SLC7A6OS: variants seen among roughly 807,000 people sequenced by gnomAD.
SLC7A6OS encodes the protein solute carrier family 7 member 6 opposite strand.
SLC7A6OS carries 22 observed loss-of-function variants against 34.3 expected under a neutral mutation model. The observed-to-expected ratio is 0.64, with a 90% CI of 0.46 to 0.92. The LOEUF (loss-of-function observed/expected upper bound fraction) is 0.92. Among genes scored for constraint, SLC7A6OS ranks in the 40% least tolerant of loss-of-function variants. SLC7A6OS has a pLI of 0.00. For missense variants in SLC7A6OS, 434 were observed against 407.7 expected (o/e 1.06, Z -0.56); for synonymous variants, 199 against 165.0 (o/e 1.21, Z -1.58).
chr16:68,310,555 T>C lies in SLC7A6OS; in HGVS notation c.251A>G (p.Gln84Arg). 1.3e-6 allele frequency: 2 copies of C among 1,582,492 alleles called. No individual in the cohort carries two copies. Among genetic ancestry groups the C allele is most frequent in the Non-Finnish European group, 1.7e-6 (2 of 1,165,726 alleles). ...EVLRPSRDSQQRVRRNLRASA... is the reference protein window; with the variant it reads ...EVLRPSRDSQRRVRRNLRASA... ...GGCGCGGAGATTACGGCGGACACGC[T>C]GCTGGCTGTCCCGTGACGGGCGCAG... The change falls in exon 2 of 5, where the codon CAG (glutamine) becomes CGG (arginine). Residue 84 changes from glutamine to arginine, a missense_variant. Physicochemically the swap from Gln to Arg is conservative, Grantham distance 43. Transcript: ENST00000263997.
Position 68,300,182 on chromosome 16 carries a change from A to C in SLC7A6OS, c.*1093T>G, listed in dbSNP as rs1387912124. 4 of 152,202 alleles carry C rather than the reference A, an allele frequency of 2.6e-5. No individual in the cohort carries two copies. Among genetic ancestry groups the C allele is most frequent in the African/African-American group, 9.7e-5 (4 of 41,438 alleles). The allele number at this position is 152,202 out of a possible 1,614,324, so 9.4% of individuals were successfully genotyped here. On this transcript the variant is annotated 3_prime_UTR_variant, in exon 5 of 5. Transcript: ENST00000263997. Reference sequence around the variant, plus strand: ...TAGCTAATTACATTAAAATGAAATAAAATTAAAAGCTCAGTTTCTCAGTTG... The same window carrying C: ...TAGCTAATTACATTAAAATGAAATACAATTAAAAGCTCAGTTTCTCAGTTG...
At chr16:68,308,681 T>C (rs1312002530) in intron 2 of SLC7A6OS, among the ~76,000 whole-genome samples, 2 of 152,152 alleles carry the variant, frequency 1.3e-5, no homozygotes, top group Non-Finnish European at 2.9e-5. Context: ...TGCTTGTTGC[T>C]TGTGGATTCA....
At position 68,310,895 on chromosome 16, in the gene SLC7A6OS, A is replaced by T; in HGVS notation, c.32T>A (p.Val11Glu). 6.2e-7 allele frequency: 1 copy of T among 1,601,024 alleles called. No homozygotes were observed. Among genetic ancestry groups the T allele is most frequent in the Non-Finnish European group, 8.5e-7 (1 of 1,175,724 alleles). Residue 11 changes from valine to glutamate, a missense_variant, in exon 1 of 5, where the codon GTG (valine) becomes GAG (glutamate). By Grantham distance (121) the Val-to-Glu change is moderately radical. Transcript: ENST00000263997. MEAARTAVLRVKRKRSAEPAE... is the reference protein window; with the variant it reads MEAARTAVLREKRKRSAEPAE... ...CGGCTCCGCACTGCGCTTCCGCTTC[A>T]CCCGGAGTACAGCGGTCCTGGCGGC...
chr16:68,309,991 T>C (rs1330611896), intron 2 of SLC7A6OS, among the ~76,000 whole-genome samples: 4 of 152,172 alleles, frequency 2.6e-5, no homozygotes, highest in Non-Finnish European at 4.4e-5. Context: ...CAAATGTCAT[T>C]TCCTCAGTGA....
In SLC7A6OS at chr16:68,303,589, G is replaced by GA. The variant is rs909392704; in HGVS notation, c.678+436dup. 3.8e-3 allele frequency: 542 copies of GA among 142,846 alleles called. 1 individual carries two copies. The highest frequency in any genetic ancestry group is 0.018 in the South Asian group (93 of 5,224). The allele number at this position is 142,846 out of a possible 1,614,324, so 8.8% of individuals were successfully genotyped here. A position where few individuals can be genotyped will look rare whatever the true frequency, so the allele number is the denominator to read the frequency against. On this transcript the variant is annotated intron_variant, in intron 3 of 4. Coordinates refer to ENST00000263997, the MANE Select transcript of SLC7A6OS (RefSeq NM_032178.3). ...CAGTGTGAGACCTTGTCTCAAAAAAGAAAAAAAAAAAAGAATAATGTCAGG... is the reference window on the plus strand; with the variant it reads ...CAGTGTGAGACCTTGTCTCAAAAAAGAAAAAAAAAAAAAGAATAATGTCAGG...
rs2043238651 is a variant in SLC7A6OS, at chr16:68,299,855, G to A, written c.*1420C>T. ...GTTTTAATTAGCTGCAATATATACG[G>A]CCTGTGTACACAGAATTTAATCACT... is the stretch of plus-strand genomic sequence containing the variant. On this transcript the variant is annotated 3_prime_UTR_variant, in exon 5 of 5. Coordinates refer to ENST00000263997, the MANE Select transcript of SLC7A6OS (RefSeq NM_032178.3). 6.6e-6 allele frequency: 1 copy of A among 152,148 alleles called. No homozygotes were observed. Among genetic ancestry groups the A allele is most frequent in the African/African-American group, 2.4e-5 (1 of 41,428 alleles). 9.4% of individuals were successfully genotyped at this position (152,148 alleles called of 1,614,324 possible).
At chr16:68,303,072 TG>T (rs1398555281) in intron 3 of SLC7A6OS, among the ~76,000 whole-genome samples, 2 of 151,090 alleles carry the variant, frequency 1.3e-5, no homozygotes, top group African/African-American at 4.9e-5. Context: ...GAGACCAGCC[TG>T]GGCAACATGG....
Position 68,300,838 on chromosome 16 carries a change from C to A in SLC7A6OS, c.*437G>T, listed in dbSNP as rs1316564093. ...TGCTACAAGGGACCCACTGGTACCC[C>A]TTTTAGATTCTATCAAAAGGAACAG... On this transcript the variant is annotated 3_prime_UTR_variant, in exon 5 of 5. Transcript: ENST00000263997. The A allele has an allele frequency of 1.0e-6, 1 of 987,016 alleles. No homozygotes were observed. Among genetic ancestry groups the A allele is most frequent in the Non-Finnish European group, 1.2e-6 (1 of 831,180 alleles). 61.1% of individuals were successfully genotyped at this position (987,016 alleles called of 1,614,324 possible).
At position 68,301,069 on chromosome 16, in the gene SLC7A6OS, C is replaced by A; in HGVS notation, c.*206G>T. The stretch of plus-strand genomic sequence containing the variant: ...ACTGTAGGGTCACTTTTGATTGAGG[C>A]AAAGGGGTCCTACTGTAAGTGGAAA... On this transcript the variant is annotated 3_prime_UTR_variant, in exon 5 of 5. Transcript: ENST00000263997. The A allele has an allele frequency of 8.0e-7, 1 of 1,246,654 alleles. No homozygotes were observed. The highest frequency in any genetic ancestry group is 1.0e-6 in the Non-Finnish European group (1 of 993,882). The allele number at this position is 1,246,654 out of a possible 1,614,324, so 77.2% of individuals were successfully genotyped here.
intron 3 of SLC7A6OS, 112 bp downstream of exon 3, chr16:68,303,914 A>G (rs2043306706): frequency 2.1e-6 from 2 of 969,938 alleles, no homozygotes. Flanking sequence ...TTTCAGGAGG[A>G]AAAGAACTAA....
chr16:68,310,662 C>T, intron 1 of SLC7A6OS, 49 bp from the exon 2 acceptor site: 2 of 1,578,236 alleles, frequency 1.3e-6, no homozygotes, highest in Non-Finnish European at 1.7e-6. Context: ...AGTTCGCGAG[C>T]GGGTCAGGGA....
intron 2 of SLC7A6OS, among the ~76,000 whole-genome samples, chr16:68,304,888 C>T (rs1051418523): frequency 6.6e-6 from 1 of 152,074 alleles, no homozygotes; most frequent in African/African-American, 2.4e-5. Flanking sequence ...CCCGTCTCTA[C>T]AAAGAAATAC....
rs2043265985 is a variant in SLC7A6OS at position 68,301,195 on chromosome 16, A to G, written c.*80T>C. ...CACATGTTAAGCTAGGAAACCTAAC[A>G]GGATGTCAGCAGGGCAGTTAACTCT... On this transcript the variant is annotated 3_prime_UTR_variant, in exon 5 of 5. Transcript: ENST00000263997. 1.3e-6 allele frequency: 2 copies of G among 1,535,392 alleles called. No individual in the cohort carries two copies. The highest frequency in any genetic ancestry group is 1.9e-5 in the Admixed American group (1 of 52,292).
chr16:68,304,320 G>T (rs1238107239), intron 2 of SLC7A6OS, 88 bp from the exon 3 acceptor site: 22 of 1,203,308 alleles, frequency 1.8e-5, no homozygotes, highest in Admixed American at 1.3e-4. Context: ...GTGAAGGAAG[G>T]CTCCCTACAG....
At chr16:68,310,685 C>T in intron 1 of SLC7A6OS, 50 bp downstream of exon 1, 9 of 1,579,802 alleles carry the variant, frequency 5.7e-6, no homozygotes, top group Non-Finnish European at 7.8e-6. Context: ...GGGTTTCGTA[C>T]CGGCTGCACC....
At chr16:68,306,551 G>A (rs1252545778) in intron 2 of SLC7A6OS, among the ~76,000 whole-genome samples, 1 of 151,988 alleles carries the variant, frequency 6.6e-6, no homozygotes, top group African/African-American at 2.4e-5. Context: ...TCATTATGTT[G>A]CCCAAACTGG....
Position 68,302,483 on chromosome 16 carries a change from G to C in SLC7A6OS, c.697C>G (p.Pro233Ala). ...EWELVNDDQEPEDIYDDEDDE... is the reference protein window; with the variant it reads ...EWELVNDDQEAEDIYDDEDDE... ...TCTTCATCGTCGTAAATGTCCTCTG[G>C]TTCTTGATCATCATTCACCTACACA... is the stretch of plus-strand genomic sequence containing the variant. Residue 233 changes from proline (P) to alanine (A), a missense_variant, in exon 4 of 5, where the codon CCA (proline) becomes GCA (alanine). Physicochemically the swap from Pro to Ala is conservative, Grantham distance 27 (BLOSUM62 -1). Coordinates refer to ENST00000263997, the MANE Select transcript of SLC7A6OS (RefSeq NM_032178.3). 6.2e-7 allele frequency: 1 copy of C among 1,614,024 alleles called. No homozygotes were observed. The highest frequency in any genetic ancestry group is 8.5e-7 in the Non-Finnish European group (1 of 1,180,008).
chr16:68,302,568 T>A, intron 3 of SLC7A6OS, 67 bp from the exon 4 acceptor site: 1 of 1,598,040 alleles, frequency 6.3e-7, no homozygotes, highest in South Asian at 1.1e-5. Context: ...GGGGAAGTTG[T>A]TAGCATACCA....
In SLC7A6OS at chr16:68,301,112, A is replaced by C; in HGVS notation, c.*163T>G. ...AGTGGAAAAGACTCACTCCCCTAAC[A>C]TAAGTTTTCACTGTGGTGGGATGGT... On this transcript the variant is annotated 3_prime_UTR_variant, in exon 5 of 5. Transcript: ENST00000263997. 2 of 1,358,284 alleles carry C rather than the reference A, an allele frequency of 1.5e-6. No homozygotes were observed. Among genetic ancestry groups the C allele is most frequent in the African/African-American group, 1.5e-5 (1 of 67,934 alleles). The allele number at this position is 1,358,284 out of a possible 1,614,324, so 84.1% of individuals were successfully genotyped here.
Sources: gnomAD v4.1 joint callset for allele counts (sites outside exome capture counted in the v4.1 genomes callset) on GRCh38, gnomAD v4.1.1 for gene constraint, MANE v1.5 for transcripts, NCBI Gene and HGNC (gene_info 2026-07-23, HGNC 2026-07-21) for gene names.